The following ETV6 variants were observed in gnomAD, a reference collection of about 807,000 sequenced individuals.
ETV6 encodes the protein transcription factor ETV6.
Under a neutral mutation model 51.1 loss-of-function variants are expected in ETV6, and 16 were observed. The ratio of observed to expected loss-of-function variants is 0.31; its 90% CI spans 0.21 to 0.48. The LOEUF (loss-of-function observed/expected upper bound fraction) is 0.48. Among genes scored for constraint, ETV6 ranks in the 20% least tolerant of loss-of-function variants. ETV6 has a pLI of 0.99. For synonymous variants in ETV6, 240 were observed against 224.1 expected (o/e 1.07, Z -0.64); for missense variants, 458 against 594.8 (o/e 0.77, Z 2.39).
At chr12:11,883,673 A>G (rs1036262186) in intron 5 of ETV6, among the ~76,000 whole-genome samples, 1 of 152,152 alleles carries the variant, frequency 6.6e-6, no homozygotes, top group African/African-American at 2.4e-5. Flanking sequence ...TAAATCACCT[A>G]ACACTTAATA....
intron 1 of ETV6, among the ~76,000 whole-genome samples, chr12:11,745,409 C>T (rs1865888927): frequency 6.6e-6 from 1 of 152,268 alleles, no homozygotes; most frequent in South Asian, 2.1e-4. Flanking sequence ...GCATCGGTAT[C>T]TGTTGCTGGC....
rs1866048295 is a variant in ETV6 at position 11,752,385 on chromosome 12, T to C, written c.34-65T>C. 1.9e-6 allele frequency: 3 copies of C among 1,558,490 alleles called. No individual in the cohort carries two copies. In the African/African-American group the frequency reaches 4.0e-5, roughly 21 times the overall value. On this transcript the variant is annotated intron_variant, in intron 1 of 7. Coordinates refer to ENST00000396373, the MANE Select transcript of ETV6 (RefSeq NM_001987.5). ...TGCTCCCCACCCCGAGATGGTCTCATACCTCCATTCCAAGCTTTCATTGTC... is the reference window on the plus strand; with the variant it reads ...TGCTCCCCACCCCGAGATGGTCTCACACCTCCATTCCAAGCTTTCATTGTC...
intron 2 of ETV6, among the ~76,000 whole-genome samples, chr12:11,768,580 G>A (rs1945196747): frequency 6.6e-6 from 1 of 152,134 alleles, no homozygotes; most frequent in Admixed American, 6.5e-5. Context: ...CTTATGCTTA[G>A]AACCGAAGTC....
intron 2 of ETV6, 106 bp downstream of exon 2, chr12:11,752,685 C>T (rs1231832561): frequency 1.4e-6 from 2 of 1,380,832 alleles, no homozygotes; most frequent in African/African-American, 1.4e-5. Context: ...GTGGTTTTCA[C>T]AGGACTTCGC....
chr12:11,880,006 C>T (rs1947062167), intron 5 of ETV6, among the ~76,000 whole-genome samples: 1 of 121,158 alleles, frequency 8.3e-6, no homozygotes, highest in Admixed American at 9.3e-5. Flanking sequence ...ACAAAAATAA[C>T]TGACATGGCT....
At chr12:11,884,381 CT>C (rs1440095769) in intron 5 of ETV6, 63 bp from the exon 6 acceptor site, 1 of 1,565,660 alleles carries the variant, frequency 6.4e-7, no homozygotes, top group Non-Finnish European at 8.8e-7. Context: ...TTTTTTGATT[CT>C]TCTGGTTAGT....
intron 2 of ETV6, among the ~76,000 whole-genome samples, chr12:11,812,197 G>A (rs943270469): frequency 6.6e-6 from 1 of 152,128 alleles, no homozygotes; most frequent in Admixed American, 6.6e-5. Flanking sequence ...CCATTTTGGA[G>A]AAATTGACCG....
At chr12:11,883,449 A>G (rs1183343214) in intron 5 of ETV6, among the ~76,000 whole-genome samples, 2 of 151,700 alleles carry the variant, frequency 1.3e-5, no homozygotes, top group African/African-American at 4.9e-5. Context: ...ACACGCCACC[A>G]TGCCTGGCTA....
At chr12:11,890,583 G>A (rs1030142582) in intron 7 of ETV6, among the ~76,000 whole-genome samples, 25 of 140,952 alleles carry the variant, frequency 1.8e-4, no homozygotes, top group South Asian at 7.0e-4. Context: ...GCACACCACC[G>A]TACCCAGATT....
intron 1 of ETV6, among the ~76,000 whole-genome samples, chr12:11,692,473 C>G (rs563919603): frequency 6.6e-6 from 1 of 152,256 alleles, no homozygotes; most frequent in East Asian, 1.9e-4. Flanking sequence ...ACTAACTTCC[C>G]AGCCCCACAG....
rs367594605 is a variant in ETV6, at chr12:11,650,481, T to TAAAAAAA, written c.33+329_33+335dup. On this transcript the variant is annotated intron_variant, in intron 1 of 7. Coordinates refer to ENST00000396373, the MANE Select transcript of ETV6 (RefSeq NM_001987.5). ...AAAACACCCCCGTAATTAGTGCGCTTAAAAAAAAAAAAAACAAAAAACAAA... is the reference window on the plus strand; with the variant it reads ...AAAACACCCCCGTAATTAGTGCGCTTAAAAAAAAAAAAAAAAAAAAACAAAAAACAAA... 2.7e-3 allele frequency among the ~76,000 whole-genome samples: 117 copies of TAAAAAAA among 43,306 alleles called. 14 individuals carry two copies. The highest frequency in any genetic ancestry group is 7.1e-3 in the African/African-American group (84 of 11,774). The allele number at this position is 43,306 out of a possible 152,430, so 28.4% of individuals were successfully genotyped here. A position where few individuals can be genotyped will look rare whatever the true frequency, so the allele number is the denominator to read the frequency against.
intron 1 of ETV6, among the ~76,000 whole-genome samples, chr12:11,697,375 AG>A (rs1243975139): frequency 6.6e-6 from 1 of 152,234 alleles, no homozygotes; most frequent in Non-Finnish European, 1.5e-5. Flanking sequence ...GTGCAGGAAA[AG>A]TTGAAAGGGA....
intron 2 of ETV6, among the ~76,000 whole-genome samples, chr12:11,813,369 G>C (rs375604082): frequency 6.6e-6 from 1 of 152,152 alleles, no homozygotes; most frequent in African/African-American, 2.4e-5. Flanking sequence ...TGTGAACTGC[G>C]GGGCTGTCTG....
intron 1 of ETV6, among the ~76,000 whole-genome samples, chr12:11,724,110 C>G (rs981655578): frequency 6.6e-6 from 1 of 152,118 alleles, no homozygotes; most frequent in African/African-American, 2.4e-5. Context: ...AAGTACTGCC[C>G]AGTTACAGTT....
intron 2 of ETV6, among the ~76,000 whole-genome samples, chr12:11,792,104 T>C (rs1223888097): frequency 6.6e-6 from 1 of 152,100 alleles, no homozygotes; most frequent in Non-Finnish European, 1.5e-5. Flanking sequence ...AATATACACG[T>C]GTAGTATAAA....
chr12:11,880,273 G>C (rs1460984675), intron 5 of ETV6, among the ~76,000 whole-genome samples: 1 of 152,162 alleles, frequency 6.6e-6, no homozygotes, highest in Non-Finnish European at 1.5e-5. Context: ...AGTTGGCTTT[G>C]CTGGATTAAA....
At chr12:11,803,749 A>G (rs1591684975) in intron 2 of ETV6, among the ~76,000 whole-genome samples, 1 of 152,360 alleles carries the variant, frequency 6.6e-6, no homozygotes, top group Admixed American at 6.5e-5. Flanking sequence ...ATTTTGTATT[A>G]TAGAATGAGA....
intron 5 of ETV6, among the ~76,000 whole-genome samples, chr12:11,877,849 A>G (rs1156908876): frequency 6.6e-6 from 1 of 152,186 alleles, no homozygotes; most frequent in African/African-American, 2.4e-5. Flanking sequence ...ACTGTTAATG[A>G]GACAACATGT....
intron 5 of ETV6, among the ~76,000 whole-genome samples, chr12:11,877,414 C>T (rs1291117980): frequency 6.6e-6 from 1 of 151,988 alleles, no homozygotes; most frequent in Admixed American, 6.5e-5. Flanking sequence ...GGGGGCAAGT[C>T]TCAGCCCTCG....
Sources: allele counts gnomAD v4.1 joint callset (sites outside exome capture counted in the v4.1 genomes callset), GRCh38; gene constraint gnomAD v4.1.1; transcripts MANE v1.5; gene names NCBI Gene and HGNC (gene_info 2026-07-23, HGNC 2026-07-21).